SRRM4: variants seen among roughly 807,000 people sequenced by gnomAD.
The protein encoded by SRRM4 is serine/arginine repetitive matrix protein 4.
In SRRM4, 33 loss-of-function variants were observed where a neutral mutation model predicts 68.9. The observed-to-expected ratio is 0.48, with a 90% confidence interval of 0.36 to 0.64. The LOEUF (loss-of-function observed/expected upper bound fraction) is 0.64, where lower values mean the gene tolerates loss of function less well. Ranked by LOEUF, SRRM4 falls within the 30% of genes least tolerant of loss-of-function variation. SRRM4 has a pLI of 0.00. For missense variants in SRRM4, 817 were observed against 827.1 expected, an observed-to-expected ratio of 0.99 and a Z score of 0.15; for synonymous variants, 318 against 318.8, an observed-to-expected ratio of 1.00 and a Z score of 0.03.
intron 1 of SRRM4, among the ~76,000 whole-genome samples, chr12:119,039,460 C>T (rs891906653): frequency 7.1e-6 from 1 of 141,566 alleles, no homozygotes; most frequent in Non-Finnish European, 1.5e-5. Flanking sequence ...ACTAGCATTA[C>T]TATTTCTATA....
At chr12:119,130,069 A>ATGGATGGT (rs1487680872) in intron 7 of SRRM4, among the ~76,000 whole-genome samples, 1 of 151,542 alleles carries the variant, frequency 6.6e-6, no homozygotes, top group African/African-American at 2.4e-5. Flanking sequence ...AAACGGATGG[A>ATGGATGGT]TGGATGGTTG....
chr12:119,123,370 T>C (rs1438347991), intron 6 of SRRM4, among the ~76,000 whole-genome samples: 1 of 152,052 alleles, frequency 6.6e-6, no homozygotes, highest in Non-Finnish European at 1.5e-5. Flanking sequence ...GCCACGTGTA[T>C]TGAATGTGCT....
intron 8 of SRRM4, among the ~76,000 whole-genome samples, chr12:119,134,320 C>A (rs1368817621): frequency 6.7e-6 from 1 of 148,586 alleles, no homozygotes; most frequent in Admixed American, 6.8e-5. Flanking sequence ...GTTTACCTCA[C>A]ACATGGTCCT....
intron 1 of SRRM4, among the ~76,000 whole-genome samples, chr12:119,029,248 C>G (rs1240223843): frequency 1.3e-5 from 2 of 152,172 alleles, no homozygotes; most frequent in South Asian, 4.1e-4. Flanking sequence ...AGGACAAGGA[C>G]AGTGATTTCT....
At chr12:119,070,622 G>T (rs181992840) in intron 1 of SRRM4, among the ~76,000 whole-genome samples, 48 of 152,226 alleles carry the variant, frequency 3.2e-4, no homozygotes, top group African/African-American at 8.4e-4. Context: ...CAAGAAGGTG[G>T]CATGATATGT....
chr12:119,140,802 G>A (rs368302526), intron 8 of SRRM4, among the ~76,000 whole-genome samples: 4 of 152,168 alleles, frequency 2.6e-5, no homozygotes, highest in East Asian at 1.9e-4. Flanking sequence ...CAGGGTCCTC[G>A]GTCTGAGGGG....
intron 1 of SRRM4, among the ~76,000 whole-genome samples, chr12:119,025,428 GTTT>G (rs74903455): frequency 6.7e-6 from 1 of 148,484 alleles, no homozygotes; most frequent in East Asian, 2.0e-4. Flanking sequence ...CATATATGGA[GTTT>G]TTTTTTTTGT....
At chr12:119,082,651 C>T (rs113683432) in intron 1 of SRRM4, among the ~76,000 whole-genome samples, 2 of 152,200 alleles carry the variant, frequency 1.3e-5, no homozygotes, top group East Asian at 1.9e-4. Context: ...CACCCAGCAG[C>T]CCCGTTTGAC....
chr12:119,146,186 AC>A (rs1250195958), intron 9 of SRRM4, among the ~76,000 whole-genome samples: 5 of 152,130 alleles, frequency 3.3e-5, no homozygotes, highest in Non-Finnish European at 7.4e-5. Context: ...AATGAGTCGA[AC>A]CTTCCCACAC....
chr12:119,140,541 T>C (rs1410326121), intron 8 of SRRM4, among the ~76,000 whole-genome samples: 1 of 152,228 alleles, frequency 6.6e-6, no homozygotes, highest in Non-Finnish European at 1.5e-5. Flanking sequence ...ATCATTCCAT[T>C]CTCTATAGGA....
chr12:119,123,556 T>A (rs1412086982), intron 6 of SRRM4, among the ~76,000 whole-genome samples: 1 of 151,602 alleles, frequency 6.6e-6, no homozygotes, highest in Non-Finnish European at 1.5e-5. Flanking sequence ...GTGGCCACCC[T>A]CCCCGCTGGC....
intron 1 of SRRM4, among the ~76,000 whole-genome samples, chr12:119,018,410 G>T (rs1289052264): frequency 6.6e-6 from 1 of 152,152 alleles, no homozygotes; most frequent in Non-Finnish European, 1.5e-5. Context: ...TGGCCATCTT[G>T]GTTCCAACTG....
intron 1 of SRRM4, among the ~76,000 whole-genome samples, chr12:119,088,928 C>T (rs900720137): frequency 2.0e-5 from 3 of 152,186 alleles, no homozygotes; most frequent in Non-Finnish European, 4.4e-5. Flanking sequence ...AAGCACTTTG[C>T]GTGCATCATC....
At chr12:119,110,070 T>C (rs967170510) in intron 2 of SRRM4, among the ~76,000 whole-genome samples, 2 of 152,202 alleles carry the variant, frequency 1.3e-5, no homozygotes, top group East Asian at 1.9e-4. Flanking sequence ...TGCAGGTCTG[T>C]TGGAGTTTGC....
chr12:119,146,812 T>A (rs993663889), intron 9 of SRRM4, among the ~76,000 whole-genome samples: 2 of 151,568 alleles, frequency 1.3e-5, no homozygotes, highest in African/African-American at 4.8e-5. Flanking sequence ...GGCGGGCGCC[T>A]GTAGTCCCAG....
At chr12:119,037,052 C>T (rs1363055865) in intron 1 of SRRM4, 1 of 152,158 alleles carries the variant, frequency 6.6e-6, no homozygotes, top group African/African-American at 2.4e-5. Flanking sequence ...GAGGCGATAT[C>T]AAACACAAGA....
Position 119,004,952 on chromosome 12 carries a change from G to A in SRRM4, c.131+22939G>A, listed in dbSNP as rs1326222820. Reference sequence around the variant, plus strand: ...ACTATTATTTCACTGTATTTCAGGGGCACCCAACTGGTTCACCCAGAGAAG... The same window carrying A: ...ACTATTATTTCACTGTATTTCAGGGACACCCAACTGGTTCACCCAGAGAAG... On this transcript the variant is annotated intron_variant, in intron 1 of 12. Transcript: ENST00000267260. Among the ~76,000 whole-genome samples, 3 of 152,188 alleles carry A rather than the reference G, an allele frequency of 2.0e-5. No homozygotes were observed. The East Asian group carries it at 5.8e-4, about 29-fold the overall frequency.
intron 1 of SRRM4, among the ~76,000 whole-genome samples, chr12:119,067,948 T>C (rs1953856285): frequency 6.6e-6 from 1 of 152,204 alleles, no homozygotes; most frequent in Admixed American, 6.5e-5. Flanking sequence ...TTTGTTTTTA[T>C]TAAATCCGGC....
chr12:119,081,707 T>C (rs1953948817), intron 1 of SRRM4, among the ~76,000 whole-genome samples: 1 of 152,164 alleles, frequency 6.6e-6, no homozygotes, highest in South Asian at 2.1e-4. Flanking sequence ...TAGGAGGCCT[T>C]TGCAATAATG....
Sources: allele counts gnomAD v4.1 joint callset (sites outside exome capture counted in the v4.1 genomes callset), GRCh38; gene constraint gnomAD v4.1.1; transcripts MANE v1.5; gene names NCBI Gene and HGNC (gene_info 2026-07-23, HGNC 2026-07-21).